Variants in ULK4 observed in about 807,000 individuals in gnomAD.
ULK4 encodes unc-51 like kinase 4, also known as inactive serine/threonine-protein kinase ULK4.
ULK4 carries 133 observed loss-of-function variants against 160.6 expected under a neutral mutation model. The ratio of observed to expected loss-of-function variants is 0.83; its 90% CI spans 0.72 to 0.96. The LOEUF is 0.96. ULK4 is among the 40% of genes least tolerant of loss of function. The pLI is 0.00. For synonymous variants in ULK4, 534 were observed against 539.8 expected, an observed-to-expected ratio of 0.99 and a Z score of 0.15; for missense variants, 1,580 against 1,499.5, an observed-to-expected ratio of 1.05 and a Z score of -0.89.
chr3:41,807,992 CCA>C (rs1033351076), intron 19 of ULK4, among the ~76,000 whole-genome samples: 1 of 152,134 alleles, frequency 6.6e-6, no homozygotes, highest in Non-Finnish European at 1.5e-5. Context: ...ACAGGCCCAC[CCA>C]CACAGAGTTG....
At chr3:41,913,023 A>G (rs1698841916) in intron 8 of ULK4, 124 bp from the exon 9 acceptor site, 7 of 731,664 alleles carry the variant, frequency 9.6e-6, no homozygotes, top group Non-Finnish European at 1.5e-5. Flanking sequence ...AAATCATTTT[A>G]TATTTTATTA....
intron 35 of ULK4, among the ~76,000 whole-genome samples, chr3:41,387,649 T>G (rs1027172363): frequency 2.6e-5 from 4 of 152,220 alleles, no homozygotes; most frequent in African/African-American, 9.6e-5. Context: ...TTGTGATAGT[T>G]TGCTGAGAAT....
Position 41,835,713 on chromosome 3 carries a change from A to G in ULK4, c.1764+151T>C, listed in dbSNP as rs2041733564. On this transcript the variant is annotated intron_variant, in intron 18 of 36. Coordinates refer to ENST00000301831, the MANE Select transcript of ULK4 (RefSeq NM_017886.4). ...AGAAAGAGGCTGAGTAACACTGACAAATTCTCTCCCCAAGAGGTAAAATTT... is the reference window on the plus strand; with the variant it reads ...AGAAAGAGGCTGAGTAACACTGACAGATTCTCTCCCCAAGAGGTAAAATTT... 5 of 527,928 alleles carry G rather than the reference A, an allele frequency of 9.5e-6. No homozygotes were observed. The East Asian group carries it at 1.6e-4, about 16-fold the overall frequency. 32.7% of individuals were successfully genotyped at this position (527,928 alleles called of 1,614,324 possible).
chr3:41,659,754 A>G (rs546817739), intron 30 of ULK4, among the ~76,000 whole-genome samples: 1 of 152,314 alleles, frequency 6.6e-6, no homozygotes, highest in South Asian at 2.1e-4. Context: ...ATACATTCAT[A>G]TGTACAAAAT....
intron 19 of ULK4, among the ~76,000 whole-genome samples, chr3:41,801,061 G>C (rs1273106893): frequency 1.3e-5 from 2 of 152,104 alleles, no homozygotes; most frequent in African/African-American, 4.8e-5. Context: ...AGACTTAGTA[G>C]AAAGATATTA....
chr3:41,643,623 C>A (rs533435313), intron 30 of ULK4, among the ~76,000 whole-genome samples: 63 of 152,184 alleles, frequency 4.1e-4, no homozygotes, highest in African/African-American at 1.4e-3. Context: ...AGTCAGGTAG[C>A]GTGATGCCTC....
chr3:41,696,078 CCCACTACTTAGCGGAA>C (rs1270209719), intron 27 of ULK4, among the ~76,000 whole-genome samples: 1 of 152,180 alleles, frequency 6.6e-6, no homozygotes, highest in Non-Finnish European at 1.5e-5. Flanking sequence ...AGGAAAAACA[CCCACTACTTAGCGGAA>C]CGGGAAAGGC....
intron 5 of ULK4, among the ~76,000 whole-genome samples, chr3:41,925,117 G>A (rs138728039): frequency 1.1e-4 from 16 of 152,246 alleles, no homozygotes; most frequent in South Asian, 6.2e-4. Flanking sequence ...CTGGCAAGAC[G>A]GCCGAATAGG....
chr3:41,645,910 C>CT (rs1449678175), intron 30 of ULK4, among the ~76,000 whole-genome samples: 1 of 152,156 alleles, frequency 6.6e-6, no homozygotes, highest in African/African-American at 2.4e-5. Context: ...GGATAGTTAG[C>CT]TCTTCTTGTT....
intron 35 of ULK4, among the ~76,000 whole-genome samples, chr3:41,355,945 GAACA>G (rs1203508582): frequency 6.6e-6 from 1 of 152,126 alleles, no homozygotes; most frequent in African/African-American, 2.4e-5. Context: ...GAAAACTTGA[GAACA>G]AATACTCTAT....
intron 34 of ULK4, among the ~76,000 whole-genome samples, chr3:41,425,197 A>G (rs569733946): frequency 6.6e-6 from 1 of 152,190 alleles, no homozygotes; most frequent in Non-Finnish European, 1.5e-5. Context: ...AAAGAATTTC[A>G]GAGCTTGAAG....
At chr3:41,705,604 C>A (rs1244127945) in intron 25 of ULK4, among the ~76,000 whole-genome samples, 1 of 151,894 alleles carries the variant, frequency 6.6e-6, no homozygotes, top group Non-Finnish European at 1.5e-5. Context: ...TCAAGTGATT[C>A]TCCCACCTCA....
intron 21 of ULK4, among the ~76,000 whole-genome samples, chr3:41,754,909 A>T (rs2038747415): frequency 6.6e-6 from 1 of 152,156 alleles, no homozygotes; most frequent in South Asian, 2.1e-4. Context: ...ATATAGAGAG[A>T]TCATACCTCT....
chr3:41,838,177 AC>A (rs2041813672), intron 17 of ULK4, among the ~76,000 whole-genome samples: 1 of 152,244 alleles, frequency 6.6e-6, no homozygotes, highest in African/African-American at 2.4e-5. Flanking sequence ...GAAAGAAGAA[AC>A]CTTGAAATAA....
chr3:41,768,390 T>C (rs1174925183), intron 21 of ULK4, among the ~76,000 whole-genome samples: 9 of 152,124 alleles, frequency 5.9e-5, no homozygotes, highest in African/African-American at 1.2e-4. Context: ...ATGAAGTATA[T>C]GGGGAAAAGA....
At chr3:41,874,865 A>G (rs36087676) in intron 17 of ULK4, among the ~76,000 whole-genome samples, 2,730 of 152,326 alleles carry the variant, frequency 0.018, 38 homozygotes, top group Non-Finnish European at 0.031. Flanking sequence ...TAAAAAATAT[A>G]TATTAAAAAC....
At chr3:41,846,806 CAA>C (rs35308076) in intron 17 of ULK4, among the ~76,000 whole-genome samples, 33 of 98,964 alleles carry the variant, frequency 3.3e-4, no homozygotes, top group South Asian at 3.6e-4. Context: ...CTCTCTCTCT[CAA>C]AAAAAAAAAA....
intron 30 of ULK4, among the ~76,000 whole-genome samples, chr3:41,617,249 C>A (rs533588227): frequency 1.9e-4 from 29 of 152,340 alleles, no homozygotes; most frequent in Admixed American, 1.6e-3. Context: ...CGGATTCTCC[C>A]AGCACAGAGC....
At chr3:41,784,113 A>G (rs892213856) in intron 21 of ULK4, among the ~76,000 whole-genome samples, 10 of 152,164 alleles carry the variant, frequency 6.6e-5, no homozygotes, top group Admixed American at 6.5e-4. Flanking sequence ...AGAATCACAT[A>G]TAAAGTACCA....
Sources: allele counts gnomAD v4.1 joint callset (sites outside exome capture counted in the v4.1 genomes callset), GRCh38; gene constraint gnomAD v4.1.1; transcripts MANE v1.5; gene names NCBI Gene and HGNC (gene_info 2026-07-23, HGNC 2026-07-21).